Variants in DCLK2 observed in about 807,000 individuals in gnomAD.
DCLK2 encodes serine/threonine-protein kinase DCLK2.
A neutral mutation model predicts 78.4 loss-of-function variants in DCLK2; 31 were observed. That is an observed-to-expected ratio of 0.40 (90% CI 0.30 to 0.53). The LOEUF is 0.53. Ranked by LOEUF, DCLK2 falls within the 20% of genes least tolerant of loss-of-function variation. The pLI, the probability that DCLK2 is intolerant of heterozygous loss-of-function variation, is 0.61. For synonymous variants in DCLK2, 407 were observed against 374.9 expected, an observed-to-expected ratio of 1.09 and a Z score of -0.99; for missense variants, 872 against 973.7, an observed-to-expected ratio of 0.90 and a Z score of 1.39.
chr4:150,107,435 A>G (rs1273676107), intron 2 of DCLK2, among the ~76,000 whole-genome samples: 12 of 146,688 alleles, frequency 8.2e-5, no homozygotes, highest in African/African-American at 1.8e-4. Flanking sequence ...CTAAAGGGCA[A>G]TGGCGATCTC....
At chr4:150,145,595 T>C (rs967483500) in intron 2 of DCLK2, among the ~76,000 whole-genome samples, 1 of 152,238 alleles carries the variant, frequency 6.6e-6, no homozygotes, top group Non-Finnish European at 1.5e-5. Flanking sequence ...AGAGGGATGA[T>C]AAACAATTAA....
intron 2 of DCLK2, among the ~76,000 whole-genome samples, chr4:150,173,382 G>C (rs762535520): frequency 2.6e-5 from 4 of 152,146 alleles, no homozygotes; most frequent in Non-Finnish European, 5.9e-5. Flanking sequence ...GGTCTGGGTT[G>C]TTTGGTGTCT....
At chr4:150,196,045 C>T (rs958237838) in intron 3 of DCLK2, among the ~76,000 whole-genome samples, 1 of 151,964 alleles carries the variant, frequency 6.6e-6, no homozygotes, top group Non-Finnish European at 1.5e-5. Flanking sequence ...GCCACAGATA[C>T]GTTTATTAGG....
intron 2 of DCLK2, among the ~76,000 whole-genome samples, chr4:150,176,678 T>G (rs543592929): frequency 6.6e-6 from 1 of 152,298 alleles, no homozygotes; most frequent in South Asian, 2.1e-4. Context: ...AATAACAGCC[T>G]CCTTGTTGGG....
intron 15 of DCLK2, chr4:150,254,534 T>C: frequency 2.5e-5 from 10 of 398,458 alleles, no homozygotes. Flanking sequence ...GGGATTGTTT[T>C]CTTGTACCCA....
At chr4:150,196,998 A>G (rs765249443) in intron 3 of DCLK2, among the ~76,000 whole-genome samples, 14 of 152,120 alleles carry the variant, frequency 9.2e-5, no homozygotes, top group Non-Finnish European at 1.9e-4. Flanking sequence ...TACTAAAAAT[A>G]TAGAGAATTA....
intron 2 of DCLK2, among the ~76,000 whole-genome samples, chr4:150,135,251 T>C (rs1733612935): frequency 6.6e-6 from 1 of 151,960 alleles, no homozygotes; most frequent in African/African-American, 2.4e-5. Context: ...AGATTCACAG[T>C]GCACATTAGC....
intron 12 of DCLK2, 85 bp downstream of exon 12, chr4:150,240,561 G>A: frequency 1.1e-6 from 1 of 933,528 alleles, no homozygotes; most frequent in Non-Finnish European, 1.5e-6. Context: ...TGGAAGTCGG[G>A]ACTGTTTGGT....
At chr4:150,119,039 A>AAT (rs2150179148) in intron 2 of DCLK2, among the ~76,000 whole-genome samples, 1 of 115,268 alleles carries the variant, frequency 8.7e-6, no homozygotes, top group African/African-American at 3.0e-5. Context: ...AAATAACAAT[A>AAT]ATAATATAAT....
intron 5 of DCLK2, among the ~76,000 whole-genome samples, chr4:150,209,337 G>A (rs1740118122): frequency 6.6e-6 from 1 of 152,186 alleles, no homozygotes; most frequent in Admixed American, 6.5e-5. Flanking sequence ...TCACCTCAGT[G>A]GCCCCAGGCT....
intron 12 of DCLK2, among the ~76,000 whole-genome samples, chr4:150,243,600 A>G (rs1743081530): frequency 6.6e-6 from 1 of 152,256 alleles, no homozygotes; most frequent in Non-Finnish European, 1.5e-5. Context: ...AACCCAAAGC[A>G]TTTAAACTAC....
intron 5 of DCLK2, among the ~76,000 whole-genome samples, chr4:150,214,424 T>G (rs1740525275): frequency 6.6e-6 from 1 of 152,234 alleles, no homozygotes; most frequent in Admixed American, 6.5e-5. Flanking sequence ...TTTTAGAGTT[T>G]AAAAGTGCAA....
chr4:150,224,905 C>G (rs758124239), intron 8 of DCLK2, among the ~76,000 whole-genome samples: 1 of 152,106 alleles, frequency 6.6e-6, no homozygotes, highest in Non-Finnish European at 1.5e-5. Flanking sequence ...TTCATACAGG[C>G]CAGCAGAACA....
intron 11 of DCLK2, among the ~76,000 whole-genome samples, chr4:150,240,137 C>T (rs1472676340): frequency 6.6e-6 from 1 of 152,150 alleles, no homozygotes; most frequent in Non-Finnish European, 1.5e-5. Flanking sequence ...AGATTTTATG[C>T]TTACCTGGCC....
Position 150,173,366 on chromosome 4 carries a change from T to A in DCLK2, c.757-19772T>A, listed in dbSNP as rs367755760. ...GATGCCTTGTCTTCACTTTCCCTCT[T>A]CTTGTGGTCTGGGTTGTTTGGTGTC... On this transcript the variant is annotated intron_variant, in intron 2 of 15. Coordinates refer to ENST00000296550, the MANE Select transcript of DCLK2 (RefSeq NM_001040260.4). 2.8e-4 allele frequency among the ~76,000 whole-genome samples: 43 copies of A among 152,220 alleles called. No homozygotes were observed. In the South Asian group the frequency reaches 4.2e-3, roughly 15 times the overall value.
At chr4:150,152,139 A>G (rs528919274) in intron 2 of DCLK2, among the ~76,000 whole-genome samples, 1 of 152,350 alleles carries the variant, frequency 6.6e-6, no homozygotes, top group Non-Finnish European at 1.5e-5. Context: ...ACCAGGAGGA[A>G]AAACAGGGAA....
At chr4:150,134,076 CTTT>C (rs768954755) in intron 2 of DCLK2, among the ~76,000 whole-genome samples, 2 of 94,846 alleles carry the variant, frequency 2.1e-5, no homozygotes, top group Non-Finnish European at 2.0e-5. Flanking sequence ...CGTATAAACT[CTTT>C]TTTTTTTTTT....
chr4:150,183,152 A>G (rs1481879239), intron 2 of DCLK2, among the ~76,000 whole-genome samples: 1 of 152,190 alleles, frequency 6.6e-6, no homozygotes, highest in East Asian at 1.9e-4. Flanking sequence ...CTCTGTTTAG[A>G]TAAGTAGATG....
At chr4:150,090,609 G>T (rs1404117301) in intron 1 of DCLK2, among the ~76,000 whole-genome samples, 1 of 149,682 alleles carries the variant, frequency 6.7e-6, no homozygotes, top group Admixed American at 6.6e-5. Flanking sequence ...AAGCTACAAA[G>T]CTTTTTGGTT....
Sources: allele counts gnomAD v4.1 joint callset (sites outside exome capture counted in the v4.1 genomes callset), GRCh38; gene constraint gnomAD v4.1.1; transcripts MANE v1.5; gene names NCBI Gene and HGNC (gene_info 2026-07-23, HGNC 2026-07-21).